The following MRAP variants were observed in gnomAD, a reference collection of about 807,000 sequenced individuals.
The protein encoded by MRAP is melanocortin 2 receptor accessory protein, also known as melanocortin-2 receptor accessory protein.
A neutral mutation model predicts 8.7 loss-of-function variants in MRAP; 8 were observed. That is an observed-to-expected ratio of 0.92 (90% CI 0.54 to 1.66). The LOEUF (loss-of-function observed/expected upper bound fraction) is 1.66. Ranked by LOEUF, MRAP falls within the 40% of genes most tolerant of loss-of-function variation. MRAP has a pLI of 0.00. For synonymous variants in MRAP, 95 were observed against 95.5 expected, an observed-to-expected ratio of 1.00 and a Z score of 0.03; for missense variants, 237 against 217.1, an observed-to-expected ratio of 1.09 and a Z score of -0.58.
chr21:32,296,342 T>A (rs369089867), upstream of MRAP, among the ~76,000 whole-genome samples: 1 of 152,186 alleles, frequency 6.6e-6, no homozygotes, highest in African/African-American at 2.4e-5. Context: ...AGAATAGTGT[T>A]ATTTGCACAG....
intron 1 of MRAP, among the ~76,000 whole-genome samples, chr21:32,305,481 C>G (rs2032392532): frequency 1.3e-5 from 2 of 152,162 alleles, no homozygotes; most frequent in South Asian, 4.2e-4. Context: ...CACGTTCTCT[C>G]ATTCATTTAC....
upstream of MRAP, among the ~76,000 whole-genome samples, chr21:32,296,431 G>A (rs528765665): frequency 1.3e-5 from 2 of 152,244 alleles, no homozygotes; most frequent in East Asian, 3.9e-4. Context: ...TGCATGGTGT[G>A]GGGGATGTCT....
chr21:32,314,339 C>A, downstream of MRAP: 2 of 474,542 alleles, frequency 4.2e-6, no homozygotes, highest in African/African-American at 2.0e-5. Flanking sequence ...TGTGCGCTAC[C>A]ATGCCTGGCT....
intron 2 of MRAP, among the ~76,000 whole-genome samples, chr21:32,308,902 G>A (rs1452676477): frequency 1.3e-5 from 2 of 152,314 alleles, no homozygotes; most frequent in African/African-American, 2.4e-5. Flanking sequence ...TAGGAAGCTG[G>A]TCAGCAGAGA....
rs2833761 is a variant in MRAP, at chr21:32,312,104, A to G, written c.*108A>G. The G allele has an allele frequency of 0.13, 207,314 of 1,575,690 alleles. 17,918 individuals carry two copies. Among genetic ancestry groups the G allele is most frequent in the African/African-American group, 0.43 (32,292 of 74,584 alleles). ...GCCATTTGCATGTAGCAGAAAGGGC[A>G]CCTAGGTCAAGTGCAACTAGAGCAG... On this transcript the variant is annotated 3_prime_UTR_variant, in exon 3 of 3. Coordinates refer to ENST00000303645, the MANE Select transcript of MRAP (RefSeq NM_001379228.1).
At chr21:32,313,323 A>G (rs2032623726), downstream of MRAP, 1 of 152,266 alleles carries the variant, frequency 6.6e-6, no homozygotes, top group South Asian at 2.1e-4. Flanking sequence ...GCCTATAACC[A>G]AAGGAATCCC....
rs756817659 is a variant in MRAP at position 32,311,955 on chromosome 21, G to A, written c.478G>A (p.Glu160Lys). The A allele has an allele frequency of 1.3e-5, 21 of 1,613,412 alleles. No individual in the cohort carries two copies. Among genetic ancestry groups the A allele is most frequent in the Non-Finnish European group, 1.7e-5 (20 of 1,180,038 alleles). ...GGPLVRSKPS[E>K]PPPGDRTSQL... is the part of the protein sequence containing the mutation. Reference sequence around the variant, plus strand: ...TCCCCTCGTCAGGAGCAAGCCCAGCGAGCCTCCCCCTGGAGACAGGACCTC... The same window carrying A: ...TCCCCTCGTCAGGAGCAAGCCCAGCAAGCCTCCCCCTGGAGACAGGACCTC... Residue 160 changes from glutamate to lysine, a missense_variant, in exon 3 of 3, where the codon GAG becomes AAG. By Grantham distance (56) the Glu-to-Lys change is moderately conservative (BLOSUM62 1). Coordinates refer to ENST00000303645, the MANE Select transcript of MRAP (RefSeq NM_001379228.1).
At chr21:32,309,413 C>T (rs2032498563) in intron 2 of MRAP, among the ~76,000 whole-genome samples, 1 of 151,880 alleles carries the variant, frequency 6.6e-6, no homozygotes, top group Non-Finnish European at 1.5e-5. Flanking sequence ...CCTTTGGTCA[C>T]ATATGGAAGG....
upstream of MRAP, among the ~76,000 whole-genome samples, chr21:32,295,056 G>A (rs1028456516): frequency 2.6e-5 from 4 of 151,470 alleles, no homozygotes; most frequent in South Asian, 2.1e-4. Context: ...AGATCTAGAT[G>A]ATGGATAGTG....
chr21:32,298,063 C>T (rs962608895), upstream of MRAP, among the ~76,000 whole-genome samples: 1 of 152,160 alleles, frequency 6.6e-6, no homozygotes, highest in African/African-American at 2.4e-5. Flanking sequence ...TTCTCAAAGG[C>T]TAAATTCTAG....
At chr21:32,296,564 C>T (rs950314418), upstream of MRAP, among the ~76,000 whole-genome samples, 1 of 152,098 alleles carries the variant, frequency 6.6e-6, no homozygotes, top group Non-Finnish European at 1.5e-5. Context: ...TCTACTTACA[C>T]GAATCTAGAG....
At chr21:32,305,075 T>G in intron 1 of MRAP, among the ~76,000 whole-genome samples, 1 of 148,740 alleles carries the variant, frequency 6.7e-6, no homozygotes, top group South Asian at 2.1e-4. Flanking sequence ...TGGCCTCAAG[T>G]GATCCTCCGA....
chr21:32,308,234 C>T lies in MRAP; in HGVS notation c.206+1495C>T, dbSNP rs145208402. 2.3e-3 allele frequency among the ~76,000 whole-genome samples: 350 copies of T among 152,036 alleles called. 1 individual carries two copies. Among genetic ancestry groups the T allele is most frequent in the African/African-American group, 7.8e-3 (322 of 41,478 alleles). ...CTGAAAATATTTTTAAAAAATCAGC[C>T]AGGTGTGGTGGTGTATGCCTGTAAT... On this transcript the variant is annotated intron_variant, in intron 2 of 2. Transcript: ENST00000303645.
intron 2 of MRAP, among the ~76,000 whole-genome samples, chr21:32,310,642 T>TC (rs888042755): frequency 5.3e-5 from 8 of 151,584 alleles, no homozygotes; most frequent in African/African-American, 1.9e-4. Context: ...AGGACACATT[T>TC]CTTTTTTTTT....
At chr21:32,313,453 T>G (rs1255829628), downstream of MRAP, 1 of 152,232 alleles carries the variant, frequency 6.6e-6, no homozygotes, top group Admixed American at 6.5e-5. Flanking sequence ...AAGTTCAGGA[T>G]AGTCTCAAAG....
chr21:32,314,366 G>C, downstream of MRAP: 1 of 529,754 alleles, frequency 1.9e-6, no homozygotes, highest in Non-Finnish European at 3.5e-6. Flanking sequence ...TGTATTTTTA[G>C]TAGAGATGGG....
chr21:32,303,401 G>C (rs2032333668), intron 1 of MRAP, among the ~76,000 whole-genome samples: 1 of 152,206 alleles, frequency 6.6e-6, no homozygotes, highest in African/African-American at 2.4e-5. Context: ...TGAACCCTTA[G>C]ATTGGATTAA....
downstream of MRAP, chr21:32,312,399 G>A (rs2032603893): frequency 1.5e-5 from 16 of 1,038,048 alleles, no homozygotes; most frequent in Non-Finnish European, 1.7e-5. Context: ...TGCTGGGTAA[G>A]TTCCCATCCA....
At chr21:32,305,285 G>A (rs1362198886) in intron 1 of MRAP, among the ~76,000 whole-genome samples, 1 of 152,088 alleles carries the variant, frequency 6.6e-6, no homozygotes, top group East Asian at 1.9e-4. Context: ...ATTATACCCT[G>A]TTTTTAATGT....
Sources: gnomAD v4.1 joint callset for allele counts (sites outside exome capture counted in the v4.1 genomes callset) on GRCh38, gnomAD v4.1.1 for gene constraint, MANE v1.5 for transcripts, NCBI Gene and HGNC (gene_info 2026-07-23, HGNC 2026-07-21) for gene names.